COL6A3: variants seen among roughly 807,000 people sequenced by gnomAD.
The protein encoded by COL6A3 is collagen alpha-3(VI) chain.
Under a neutral mutation model 274.1 loss-of-function variants are expected in COL6A3, and 137 were observed. The observed-to-expected ratio is 0.50, with a 90% CI of 0.44 to 0.58. The LOEUF is 0.58. Among genes scored for constraint, COL6A3 ranks in the 20% least tolerant of loss-of-function variants. The pLI is 0.00. For synonymous variants in COL6A3, 1,650 were observed against 1,650.6 expected (o/e 1.00, Z 0.01); for missense variants, 3,950 against 4,124.9 (o/e 0.96, Z 1.16).
In COL6A3 at chr2:237,372,022, A is replaced by G. The variant is rs1405427101; in HGVS notation, c.3995T>C (p.Ile1332Thr). 6.2e-7 allele frequency: 1 copy of G among 1,614,124 alleles called. No individual in the cohort carries two copies. Among genetic ancestry groups the G allele is most frequent in the East Asian group, 2.2e-5 (1 of 44,874 alleles). ...NIFKRPLGSR[I>T]EEGVPQFLVL... ...CAGGAACTGCGGGACGCCCTCTTCA[A>G]TGCGGCTCCCCAGGGGCCTCTTGAA... Residue 1332 changes from isoleucine to threonine, a missense_variant, in exon 9 of 44, where the codon ATT (isoleucine) becomes ACT (threonine). Physicochemically the swap from Ile to Thr is moderately conservative, Grantham distance 89. Around this residue, in one of 5 missense-constraint regions of COL6A3, gnomAD observed 1,934 missense variants for 1,984.3 expected, o/e 0.97. Coordinates refer to ENST00000295550, the MANE Select transcript of COL6A3 (RefSeq NM_004369.4).
At chr2:237,338,225 T>G (rs1380814679) in intron 39 of COL6A3, among the ~76,000 whole-genome samples, 1 of 152,180 alleles carries the variant, frequency 6.6e-6, no homozygotes, top group Non-Finnish European at 1.5e-5. Context: ...CAAGAGGCCT[T>G]GCACACTTGT....
intron 8 of COL6A3, among the ~76,000 whole-genome samples, chr2:237,373,649 C>G (rs146942458): frequency 6.6e-6 from 1 of 152,146 alleles, no homozygotes; most frequent in Non-Finnish European, 1.5e-5. Context: ...GAAGAGCAGG[C>G]AAGTGAGTGC....
chr2:237,349,782 C>A (rs2077168283), intron 28 of COL6A3, among the ~76,000 whole-genome samples: 1 of 152,172 alleles, frequency 6.6e-6, no homozygotes, highest in African/African-American at 2.4e-5. Flanking sequence ...AATCCAATTC[C>A]ATTTTAACCC....
chr2:237,381,189 G>A lies in COL6A3; in HGVS notation c.1623C>T (p.Ala541=), dbSNP rs114144694. 4.2e-4 allele frequency: 685 copies of A among 1,614,264 alleles called. No homozygotes were observed. Among genetic ancestry groups the A allele is most frequent in the Non-Finnish European group, 5.4e-4 (643 of 1,180,054 alleles). ...GAATCCCCTCGGCAGCCCGGTAGCC[G>A]GCTGAACTCGTGAATAGGTTGTTAC... ...FVRNNLFTSS[A]GYRAAEGIPK... Residue 541 remains alanine (A), a synonymous_variant, in exon 5 of 44, where the codon GCC becomes GCT. Coordinates refer to ENST00000295550, the MANE Select transcript of COL6A3 (RefSeq NM_004369.4).
chr2:237,388,231 G>GACC, intron 3 of COL6A3, 47 bp from the exon 4 acceptor site: 1 of 1,611,524 alleles, frequency 6.2e-7, no homozygotes, highest in Non-Finnish European at 8.5e-7. Context: ...TAGAACAAGT[G>GACC]ACCACATGCA....
Position 237,378,724 on chromosome 2 carries a change from G to A in COL6A3, c.2409C>T (p.Ser803=). The A allele has an allele frequency of 1.2e-6, 2 of 1,614,028 alleles. No homozygotes were observed. Among genetic ancestry groups the A allele is most frequent in the South Asian group, 1.1e-5 (1 of 91,080 alleles). ...PSLVYLMDDF[S]SLPALPQQLI... ...GCTGCTGAGGCAAAGCTGGCAGGGA[G>A]CTGAAATCATCCATGAGATACACCA... The change falls in exon 6 of 44, where the codon AGC becomes AGT. Residue 803 remains serine (S), a synonymous_variant. Transcript: ENST00000295550.
chr2:237,373,813 G>T lies in COL6A3; in HGVS notation c.3679+599C>A, dbSNP rs79554902. Among the ~76,000 whole-genome samples the T allele has an allele frequency of 3.5e-3, 539 of 152,140 alleles. 2 individuals are homozygous for T. Among genetic ancestry groups the T allele is most frequent in the Middle Eastern group, 0.01 (3 of 292 alleles). ...GCACCAGGGCTCCCACCATTTTTTA[G>T]TTTATTGTACCAGGCCTAGAAAGAG... On this transcript the variant is annotated intron_variant, in intron 8 of 43. Transcript: ENST00000295550.
At chr2:237,404,967 G>C (rs2078684189) in intron 1 of COL6A3, among the ~76,000 whole-genome samples, 1 of 152,264 alleles carries the variant, frequency 6.6e-6, no homozygotes, top group East Asian at 1.9e-4. Context: ...CCCCTCAGTG[G>C]AGATACTTCC....
At position 237,363,205 on chromosome 2, in the gene COL6A3, G is replaced by A. The variant is rs753003751; in HGVS notation, c.6063+48C>T. ...CTTCATTCTCTTGAAATGCCAAAAG[G>A]TGTGGTATCTACACTGGTCTGTGTA... On this transcript the variant is annotated intron_variant, in intron 14 of 43. Coordinates refer to ENST00000295550, the MANE Select transcript of COL6A3 (RefSeq NM_004369.4). 3.1e-6 allele frequency: 5 copies of A among 1,596,954 alleles called. No homozygotes were observed. In the South Asian group the frequency reaches 3.3e-5, roughly 11 times the overall value.
intron 42 of COL6A3, chr2:237,329,443 A>G (rs907660463): frequency 6.6e-6 from 1 of 152,230 alleles, no homozygotes; most frequent in African/African-American, 2.4e-5. Flanking sequence ...TAAGACTTCA[A>G]GATAAAAAAC....
Position 237,324,566 on chromosome 2 carries a change from G to A in COL6A3, c.*208C>T. 1 of 582,328 alleles carries A rather than the reference G, an allele frequency of 1.7e-6. No homozygotes were observed. 36.1% of individuals were successfully genotyped at this position (582,328 alleles called of 1,614,324 possible). Reference sequence around the variant, plus strand: ...AACATTCAAAGTATTCGAGAGAACTGCCTGGAGACAGAGAGCGAGGGTCCA... The same window carrying A: ...AACATTCAAAGTATTCGAGAGAACTACCTGGAGACAGAGAGCGAGGGTCCA... On this transcript the variant is annotated 3_prime_UTR_variant, in exon 44 of 44. Transcript: ENST00000295550.
chr2:237,365,173 A>G (rs1365237492), intron 12 of COL6A3, among the ~76,000 whole-genome samples: 1 of 149,758 alleles, frequency 6.7e-6, no homozygotes, highest in Non-Finnish European at 1.5e-5. Context: ...CACAGGGAGA[A>G]GACCCCTGCC....
chr2:237,346,093 A>C (rs1170193998), intron 32 of COL6A3, among the ~76,000 whole-genome samples: 7 of 152,214 alleles, frequency 4.6e-5, no homozygotes, highest in Non-Finnish European at 7.3e-5. Flanking sequence ...ACCACAAATC[A>C]GGAGCTCCCT....
At chr2:237,398,969 A>G (rs2078521175) in intron 1 of COL6A3, among the ~76,000 whole-genome samples, 1 of 152,178 alleles carries the variant, frequency 6.6e-6, no homozygotes, top group Admixed American at 6.5e-5. Context: ...TGTGTTATTT[A>G]TCTTTACATT....
chr2:237,383,623 T>C (rs975267174), intron 4 of COL6A3, among the ~76,000 whole-genome samples: 1 of 152,176 alleles, frequency 6.6e-6, no homozygotes, highest in Non-Finnish European at 1.5e-5. Flanking sequence ...TTACTATGTA[T>C]ATCACACATG....
chr2:237,361,223 C>T lies in COL6A3; in HGVS notation c.6157-49G>A, dbSNP rs759562892. On this transcript the variant is annotated intron_variant, in intron 15 of 43. Coordinates refer to ENST00000295550, the MANE Select transcript of COL6A3 (RefSeq NM_004369.4). This position sits in a 1 kb window ranked among gnomAD's most constrained non-coding sequence, Gnocchi z 5.1. ...CTGTTTAATCCCGTGGTCTTCTTTG[C>T]TCTACAGTAAGAATCCCTGTGGTCC... The T allele has an allele frequency of 7.7e-6, 12 of 1,566,664 alleles. No individual in the cohort carries two copies. Among genetic ancestry groups the T allele is most frequent in the Non-Finnish European group, 9.7e-6 (11 of 1,137,012 alleles).
chr2:237,385,682 C>T (rs1356850787), intron 4 of COL6A3, among the ~76,000 whole-genome samples: 1 of 152,196 alleles, frequency 6.6e-6, no homozygotes, highest in Non-Finnish European at 1.5e-5. Flanking sequence ...AGAGAAACCT[C>T]AGCAGGTCAT....
chr2:237,384,668 G>A (rs890890339), intron 4 of COL6A3, among the ~76,000 whole-genome samples: 3 of 152,074 alleles, frequency 2.0e-5, no homozygotes, highest in African/African-American at 7.2e-5. Flanking sequence ...CAGAATGACT[G>A]TCTCATGGCT....
At chr2:237,365,637 C>G in intron 12 of COL6A3, 61 bp downstream of exon 12, 1 of 1,462,376 alleles carries the variant, frequency 6.8e-7, no homozygotes, top group South Asian at 1.1e-5. Context: ...AGGGCTTCCT[C>G]CTTTCCAGTA....
Sources: allele counts gnomAD v4.1 joint callset (sites outside exome capture counted in the v4.1 genomes callset), GRCh38; gene constraint gnomAD v4.1.1; regional missense constraint gnomAD v4.1.1; non-coding constraint Gnocchi (gnomAD v3.1); transcripts MANE v1.5; gene names NCBI Gene and HGNC (gene_info 2026-07-23, HGNC 2026-07-21).